The following MTMR10 variants were observed in gnomAD, a reference collection of about 807,000 sequenced individuals.
MTMR10 encodes the protein myotubularin related protein 10, also known as myotubularin-related protein 10.
In MTMR10, 56 loss-of-function variants were observed where a neutral mutation model predicts 88.1. The ratio of observed to expected loss-of-function variants is 0.64; its 90% CI spans 0.51 to 0.79. The LOEUF is 0.79. Among genes scored for constraint, MTMR10 ranks in the 30% least tolerant of loss-of-function variants. The probability of loss-of-function intolerance (pLI) is 0.00; values close to 1 mark genes in which losing one functional copy is unlikely to be tolerated. For missense variants in MTMR10, 883 were observed against 924.7 expected (o/e 0.95, Z 0.58); for synonymous variants, 380 against 340.9 (o/e 1.11, Z -1.26).
chr15:30,929,019 C>A, the MTMR10 span, among the ~76,000 whole-genome samples: 1 of 152,172 alleles, frequency 6.6e-6, no homozygotes, highest in Non-Finnish European at 1.5e-5. Context: ...GCTGTTTTTG[C>A]AAATTATTAC....
intron 9 of MTMR10, among the ~76,000 whole-genome samples, chr15:30,957,827 GA>G (rs1490928927): frequency 6.6e-6 from 1 of 152,196 alleles, no homozygotes; most frequent in East Asian, 1.9e-4. Flanking sequence ...AAACACCAGG[GA>G]AAGTCCAGGG....
chr15:30,939,916 A>C lies in MTMR10; in HGVS notation c.*1554T>G. On this transcript the variant is annotated 3_prime_UTR_variant, in exon 16 of 16. Transcript: ENST00000435680. ...TGGCAAAAACCTTGGGTTTACCCATAAAGTGAATTTCTTAAGATATTTTTT... is the reference window on the plus strand; with the variant it reads ...TGGCAAAAACCTTGGGTTTACCCATCAAGTGAATTTCTTAAGATATTTTTT... 1.0e-6 allele frequency: 1 copy of C among 985,420 alleles called. No individual in the cohort carries two copies. The highest frequency in any genetic ancestry group is 1.2e-6 in the Non-Finnish European group (1 of 829,882). The allele number at this position is 985,420 out of a possible 1,614,324, so 61.0% of individuals were successfully genotyped here.
rs2031272394 is a variant in MTMR10, at chr15:30,990,895, C to A, written c.61-58G>T. On this transcript the variant is annotated intron_variant, in intron 1 of 15. Coordinates refer to ENST00000435680, the MANE Select transcript of MTMR10 (RefSeq NM_017762.3). The stretch of plus-strand genomic sequence containing the variant: ...CAATCCCCCCACCCTCCGTAAAATG[C>A]TACAGCAAATGTTGTTTTCTAAGTG... 4.2e-6 allele frequency: 6 copies of A among 1,419,072 alleles called. No homozygotes were observed. In the East Asian group the frequency reaches 1.5e-4, roughly 35 times the overall value. The allele number at this position is 1,419,072 out of a possible 1,614,324, so 87.9% of individuals were successfully genotyped here. A position where few individuals can be genotyped will look rare whatever the true frequency, so the allele number is the denominator to read the frequency against.
At chr15:30,971,518 T>TG (rs1293717984) in intron 5 of MTMR10, among the ~76,000 whole-genome samples, 1 of 152,280 alleles carries the variant, frequency 6.6e-6, no homozygotes, top group Admixed American at 6.5e-5. Flanking sequence ...TGACAGTTCA[T>TG]GAAAAGGCCA....
In MTMR10 at chr15:30,948,352, C is replaced by T; in HGVS notation, c.1327G>A (p.Gly443Arg). Residue 443 changes from glycine to arginine, a missense_variant, in exon 13 of 16, where the codon GGA becomes AGA. By Grantham distance (125) the Gly-to-Arg change is moderately radical. Coordinates refer to ENST00000435680, the MANE Select transcript of MTMR10 (RefSeq NM_017762.3). ...TTGCATCTGTCTAGAAACTGATATC[C>T]TGCCATGACCCACTCCTTCTGTATC... ...SLIQKEWVMA[G>R]YQFLDRCNHL... 6.2e-7 allele frequency: 1 copy of T among 1,613,788 alleles called. No individual in the cohort carries two copies. Among genetic ancestry groups the T allele is most frequent in the Non-Finnish European group, 8.5e-7 (1 of 1,179,802 alleles).
chr15:30,929,080 AT>A, the MTMR10 span: 2 of 860,474 alleles, frequency 2.3e-6, no homozygotes, highest in Non-Finnish European at 3.6e-6. Flanking sequence ...ACTTTTACTT[AT>A]CTTTTGAGAG....
intron 13 of MTMR10, among the ~76,000 whole-genome samples, chr15:30,947,514 A>G (rs2063188298): frequency 6.6e-6 from 1 of 152,266 alleles, no homozygotes; most frequent in African/African-American, 2.4e-5. Context: ...TGCCCAGTAC[A>G]TGTAACAAGT....
At chr15:30,928,211 T>C in the MTMR10 span, 1 of 1,035,066 alleles carries the variant, frequency 9.7e-7, no homozygotes, top group Non-Finnish European at 1.2e-6. Context: ...GTCCCAGCCT[T>C]GGGAACCTGA....
chr15:30,990,510 T>A (rs1340864008), intron 2 of MTMR10, among the ~76,000 whole-genome samples: 12 of 152,210 alleles, frequency 7.9e-5, no homozygotes. Flanking sequence ...ATTAATGCAA[T>A]AAGTGGCAAA....
chr15:30,922,284 C>G, the MTMR10 span: 1 of 1,613,976 alleles, frequency 6.2e-7, no homozygotes, highest in Non-Finnish European at 8.5e-7. Context: ...ATTTATTGTC[C>G]TGACAGCAGA....
At chr15:30,925,795 A>C in the MTMR10 span, 1 of 1,614,166 alleles carries the variant, frequency 6.2e-7, no homozygotes. Context: ...TCAGGTGACC[A>C]TCACAGGCAG....
chr15:30,990,408 T>C (rs79213781), intron 2 of MTMR10, among the ~76,000 whole-genome samples: 2,193 of 152,302 alleles, frequency 0.014, 21 homozygotes, highest in Non-Finnish European at 0.021. Flanking sequence ...AGCAAGTAAT[T>C]CAAAGTTCAC....
the MTMR10 span, chr15:30,928,325 T>C: frequency 7.7e-7 from 1 of 1,300,876 alleles, no homozygotes; most frequent in African/African-American, 1.5e-5. Context: ...TGAATTTTTC[T>C]ATGATTACTA....
intron 2 of MTMR10, among the ~76,000 whole-genome samples, chr15:30,982,286 G>A (rs2030633290): frequency 1.3e-5 from 2 of 152,122 alleles, no homozygotes; most frequent in Non-Finnish European, 2.9e-5. Context: ...AATAAAACCT[G>A]CAGTTTAGCT....
chr15:30,955,911 C>T (rs2063320870), intron 9 of MTMR10, among the ~76,000 whole-genome samples: 1 of 151,316 alleles, frequency 6.6e-6, no homozygotes, highest in Admixed American at 6.6e-5. Flanking sequence ...TAGATCTTTT[C>T]AAAGGAAACA....
At chr15:30,965,900 T>C in intron 6 of MTMR10, 2 of 361,974 alleles carry the variant, frequency 5.5e-6, no homozygotes, top group Admixed American at 3.1e-5. Context: ...ACTTCTTTAA[T>C]CCAGCCAATG....
chr15:30,945,343 A>C (rs2063154568), intron 14 of MTMR10, among the ~76,000 whole-genome samples: 1 of 152,212 alleles, frequency 6.6e-6, no homozygotes, highest in South Asian at 2.1e-4. Context: ...ATACTTGTAG[A>C]AAGTATTTTT....
At chr15:30,955,664 A>G (rs990479800) in intron 9 of MTMR10, among the ~76,000 whole-genome samples, 1 of 152,134 alleles carries the variant, frequency 6.6e-6, no homozygotes, top group African/African-American at 2.4e-5. Flanking sequence ...GCGGGGCAGC[A>G]CTGCATTTAG....
At chr15:30,933,840 A>T in the MTMR10 span, among the ~76,000 whole-genome samples, 7 of 151,838 alleles carry the variant, frequency 4.6e-5, no homozygotes, top group Admixed American at 4.6e-4. Context: ...GGATCGCTGC[A>T]GCCTTGATCT....
Sources: allele counts gnomAD v4.1 joint callset (sites outside exome capture counted in the v4.1 genomes callset), GRCh38; gene constraint gnomAD v4.1.1; transcripts MANE v1.5; gene names NCBI Gene and HGNC (gene_info 2026-07-23, HGNC 2026-07-21).